RNGTT: variants seen among roughly 807,000 people sequenced by gnomAD.
RNGTT encodes RNA guanylyltransferase and 5'-phosphatase, also known as mRNA-capping enzyme.
Under a neutral mutation model 79.3 loss-of-function variants are expected in RNGTT, and 33 were observed. The ratio of observed to expected loss-of-function variants is 0.42; its 90% CI spans 0.32 to 0.56. The LOEUF (loss-of-function observed/expected upper bound fraction) is 0.56. Among genes scored for constraint, RNGTT ranks in the 20% least tolerant of loss-of-function variants. The pLI is 0.17. For missense variants in RNGTT, 497 were observed against 739.1 expected (o/e 0.67, Z 3.80); for synonymous variants, 222 against 235.9 (o/e 0.94, Z 0.54).
chr6:88,641,208 G>A lies in RNGTT; in HGVS notation c.1507-26813C>T, dbSNP rs111979551. Among the ~76,000 whole-genome samples the A allele has an allele frequency of 8.4e-3, 1,272 of 151,912 alleles. 11 individuals are homozygous for A. The highest frequency in any genetic ancestry group is 0.013 in the Non-Finnish European group (853 of 67,946). ...ACAAAAATTAGCCAGGCACGGTGGC[G>A]GGCGCCTGTAATCCCAGCTACTCAG... On this transcript the variant is annotated intron_variant, in intron 14 of 15. Coordinates refer to ENST00000369485, the MANE Select transcript of RNGTT (RefSeq NM_003800.5).
rs561296478 is a variant in RNGTT at position 88,774,000 on chromosome 6, T to C, written c.1339-4126A>G. ...AAAAACCTTTGTGCATGACAGAACA[T>C]TATCAAGAAAGTGAAAAGACAACCT... On this transcript the variant is annotated intron_variant, in intron 12 of 15. Transcript: ENST00000369485. Among the ~76,000 whole-genome samples the C allele has an allele frequency of 2.8e-4, 43 of 152,246 alleles. 1 individual carries two copies. The South Asian group carries it at 8.9e-3, about 32-fold the overall frequency.
chr6:88,732,447 G>A (rs1199792027), intron 13 of RNGTT, among the ~76,000 whole-genome samples: 2 of 152,166 alleles, frequency 1.3e-5, no homozygotes, highest in African/African-American at 4.8e-5. Context: ...AAAACAGTAT[G>A]GCAGTTCCTT....
intron 13 of RNGTT, among the ~76,000 whole-genome samples, chr6:88,733,934 G>GA (rs1427427331): frequency 6.6e-6 from 1 of 151,694 alleles, no homozygotes; most frequent in Non-Finnish European, 1.5e-5. Context: ...GACCTGTCCT[G>GA]AAAAAAGTAT....
intron 6 of RNGTT, among the ~76,000 whole-genome samples, chr6:88,902,043 C>T (rs1392955999): frequency 6.6e-6 from 1 of 151,976 alleles, no homozygotes; most frequent in Non-Finnish European, 1.5e-5. Flanking sequence ...AATGCCATGG[C>T]CGGGCATGGT....
At chr6:88,837,390 C>T (rs1280494692) in intron 11 of RNGTT, among the ~76,000 whole-genome samples, 2 of 152,028 alleles carry the variant, frequency 1.3e-5, no homozygotes, top group African/African-American at 4.8e-5. Context: ...GAGCAAGGCC[C>T]TGTCTTAAAA....
At chr6:88,698,222 C>CAT (rs527506148) in intron 13 of RNGTT, among the ~76,000 whole-genome samples, 1 of 70,872 alleles carries the variant, frequency 1.4e-5, no homozygotes, top group Non-Finnish European at 2.3e-5. Context: ...ATATATATAT[C>CAT]ATATATATAT....
At chr6:88,731,038 G>A (rs1162633930) in intron 13 of RNGTT, among the ~76,000 whole-genome samples, 1 of 151,938 alleles carries the variant, frequency 6.6e-6, no homozygotes, top group African/African-American at 2.4e-5. Context: ...TCCCCTCCCT[G>A]ACACCTTACC....
chr6:88,946,498 T>C (rs1332540556), intron 1 of RNGTT, among the ~76,000 whole-genome samples: 1 of 152,188 alleles, frequency 6.6e-6, no homozygotes, highest in Non-Finnish European at 1.5e-5. Context: ...ATGTCTCTCA[T>C]TTAAATCAAA....
chr6:88,760,495 A>C (rs1261992205), intron 13 of RNGTT, among the ~76,000 whole-genome samples: 1 of 152,224 alleles, frequency 6.6e-6, no homozygotes, highest in East Asian at 1.9e-4. Flanking sequence ...TTTTCAAATA[A>C]GAAAGCAGTT....
chr6:88,859,998 ATAATCTCACCTGCATTTT>A (rs1781958472), intron 8 of RNGTT, among the ~76,000 whole-genome samples: 1 of 152,212 alleles, frequency 6.6e-6, no homozygotes, highest in Non-Finnish European at 1.5e-5. Flanking sequence ...AACTAATGAC[ATAATCTCACCTGCATTTT>A]TAAAAGTTCA....
intron 14 of RNGTT, among the ~76,000 whole-genome samples, chr6:88,624,414 A>T (rs907465841): frequency 6.6e-6 from 1 of 152,006 alleles, no homozygotes; most frequent in Non-Finnish European, 1.5e-5. Context: ...TAGAGAGCTC[A>T]CAAATAAATC....
intron 13 of RNGTT, among the ~76,000 whole-genome samples, chr6:88,681,479 G>A (rs1472874867): frequency 6.6e-6 from 1 of 152,052 alleles, no homozygotes; most frequent in African/African-American, 2.4e-5. Flanking sequence ...ATTTTAACAT[G>A]TGTCATAATT....
intron 14 of RNGTT, among the ~76,000 whole-genome samples, chr6:88,620,448 T>G (rs781541849): frequency 6.6e-6 from 1 of 152,190 alleles, no homozygotes; most frequent in Non-Finnish European, 1.5e-5. Flanking sequence ...TGGTTATTGG[T>G]GGATGGTGGA....
intron 4 of RNGTT, among the ~76,000 whole-genome samples, chr6:88,920,027 G>A (rs1276638093): frequency 6.6e-6 from 1 of 152,026 alleles, no homozygotes; most frequent in Non-Finnish European, 1.5e-5. Flanking sequence ...TGCCCCCCAG[G>A]GGACATTTTG....
At chr6:88,794,990 C>A (rs1486367126) in intron 12 of RNGTT, among the ~76,000 whole-genome samples, 1 of 152,080 alleles carries the variant, frequency 6.6e-6, no homozygotes, top group East Asian at 1.9e-4. Context: ...ATCTCCATAT[C>A]AGAGAAGTAG....
At chr6:88,675,928 G>A (rs2127788612) in intron 14 of RNGTT, among the ~76,000 whole-genome samples, 1 of 152,276 alleles carries the variant, frequency 6.6e-6, no homozygotes, top group Non-Finnish European at 1.5e-5. Flanking sequence ...TAACTAGAGA[G>A]CAATGTGGCC....
rs367967175 is a variant in RNGTT, at chr6:88,739,725, T to TTATATATATATA, written c.1439+30037_1439+30048dup. Among the ~76,000 whole-genome samples, 54 of 94,112 alleles carry TTATATATATATA rather than the reference T, an allele frequency of 5.7e-4. 4 individuals carry two copies. The highest frequency in any genetic ancestry group is 7.2e-4 in the Non-Finnish European group (36 of 49,738). The allele number at this position is 94,112 out of a possible 152,430, so 61.7% of individuals were successfully genotyped here. On this transcript the variant is annotated intron_variant, in intron 13 of 15. Transcript: ENST00000369485. ...TCCCGTGTAACTGGTGTGAAAAAAATTATATATATATATATATATATATAT... is the reference window on the plus strand; with the variant it reads ...TCCCGTGTAACTGGTGTGAAAAAAATTATATATATATATATATATATATATATATATATATAT...
intron 13 of RNGTT, among the ~76,000 whole-genome samples, chr6:88,720,938 G>C (rs1380093177): frequency 1.3e-5 from 2 of 151,946 alleles, no homozygotes; most frequent in African/African-American, 4.8e-5. Flanking sequence ...TTTTATGTTA[G>C]TTCAAACTTT....
intron 13 of RNGTT, among the ~76,000 whole-genome samples, chr6:88,736,379 T>C (rs907917723): frequency 6.6e-6 from 1 of 152,184 alleles, no homozygotes; most frequent in African/African-American, 2.4e-5. Flanking sequence ...AAACTACAGA[T>C]GAGTGTCTCT....
Sources: allele counts gnomAD v4.1 joint callset (sites outside exome capture counted in the v4.1 genomes callset), GRCh38; gene constraint gnomAD v4.1.1; transcripts MANE v1.5; gene names NCBI Gene and HGNC (gene_info 2026-07-23, HGNC 2026-07-21).